Variants in CLCN1 observed in about 807,000 individuals in gnomAD.
CLCN1 encodes chloride channel protein 1.
In CLCN1, 100 loss-of-function variants were observed where a neutral mutation model predicts 114.5. That is an observed-to-expected ratio of 0.87 (90% confidence interval 0.74 to 1.03). The LOEUF (loss-of-function observed/expected upper bound fraction) is 1.03. CLCN1 is among the 50% of genes least tolerant of loss of function. The pLI is 0.00. For synonymous variants in CLCN1, 485 were observed against 487.1 expected (o/e 1.00, Z 0.06); for missense variants, 1,188 against 1,250.0 (o/e 0.95, Z 0.75).
In CLCN1 at chr7:143,320,713, C is replaced by T. The variant is rs983328653; in HGVS notation, c.351C>T (p.Asp117=). The T allele has an allele frequency of 1.2e-6, 2 of 1,613,422 alleles. No homozygotes were observed. Among genetic ancestry groups the T allele is most frequent in the Non-Finnish European group, 8.5e-7 (1 of 1,179,580 alleles). The change falls in exon 3 of 23, where the codon GAC becomes GAT. Residue 117 remains aspartate (D), a synonymous_variant. Coordinates refer to ENST00000343257, the MANE Select transcript of CLCN1 (RefSeq NM_000083.3). ...GQVVRRKLGE[D]GIFLVLLGLL... is the part of the protein sequence containing the mutation. ...TGGTGAGAAGAAAATTAGGGGAAGA[C>T]GGGATCTTTCTGGTGCTTCTGGGAC...
intron 5 of CLCN1, among the ~76,000 whole-genome samples, 160 bp from the exon 6 acceptor site, chr7:143,323,149 C>T (rs955272065): frequency 3.3e-5 from 5 of 152,170 alleles, no homozygotes; most frequent in African/African-American, 7.2e-5. Flanking sequence ...CCTCTTCTTC[C>T]TCTCTGGGAT....
In CLCN1 at chr7:143,351,614, G is replaced by A. The variant is rs1007992593; in HGVS notation, c.2616G>A (p.Gly872=). ...ALEELQKAIE[G]HTKSGVQLRP... ...TTCAGCTACAGAAGGCCATTGAGGG[G>A]CACACCAAGTCTGGGGTGCAGCTCC... The change falls in exon 23 of 23, where the codon GGG becomes GGA. Residue 872 remains glycine (G), a synonymous_variant. Transcript: ENST00000343257. 2.5e-6 allele frequency: 4 copies of A among 1,613,956 alleles called. No individual in the cohort carries two copies. In the African/African-American group the frequency reaches 5.3e-5, roughly 22 times the overall value.
chr7:143,332,772 G>C lies in CLCN1; in HGVS notation c.1300G>C (p.Val434Leu). ...TACTTTGTTTGACAACAATACATGG[G>C]TGAAACACGCGGGTGATCCTGAGAG... ...ISTLFDNNTW[V>L]KHAGDPESLG... is the part of the protein sequence containing the mutation. Residue 434 changes from valine (V) to leucine (L), a missense_variant, in exon 12 of 23, where the codon GTG (valine) becomes CTG (leucine). Val to Leu is a conservative substitution (Grantham distance 32). Coordinates refer to ENST00000343257, the MANE Select transcript of CLCN1 (RefSeq NM_000083.3). 1.2e-6 allele frequency: 2 copies of C among 1,614,202 alleles called. No individual in the cohort carries two copies. Among genetic ancestry groups the C allele is most frequent in the Non-Finnish European group, 1.7e-6 (2 of 1,180,036 alleles).
chr7:143,321,290 CG>C lies in CLCN1; in HGVS notation c.434-72del. On this transcript the variant is annotated intron_variant, in intron 3 of 22. Transcript: ENST00000343257. This position sits in a 1 kb window ranked among gnomAD's most constrained non-coding sequence, Gnocchi z 4.2. ...GAAGGAGCACGGCCTGAGAACATGC[CG>C]GGTACACGTCCTGGTGCCGTGGACA... 6.4e-7 allele frequency: 1 copy of C among 1,570,168 alleles called. No individual in the cohort carries two copies. Among genetic ancestry groups the C allele is most frequent in the Non-Finnish European group, 8.7e-7 (1 of 1,148,398 alleles).
chr7:143,336,635 G>GAA (rs201150297), intron 12 of CLCN1, among the ~76,000 whole-genome samples: 2 of 107,516 alleles, frequency 1.9e-5, no homozygotes, highest in Admixed American at 2.1e-4. Context: ...AGAAGAAGAA[G>GAA]AAAAAAAAAG....
chr7:143,320,673 A>G lies in CLCN1; in HGVS notation c.311A>G (p.His104Arg), dbSNP rs1563073737. ...DHYSKCQDCIHRLGQVVRRKL... is the reference protein window; with the variant it reads ...DHYSKCQDCIRRLGQVVRRKL... ...CCTCATCTCTTCCTAGATTGTATCCACCGCCTGGGACAGGTGGTGAGAAGA... is the reference window on the plus strand; with the variant it reads ...CCTCATCTCTTCCTAGATTGTATCCGCCGCCTGGGACAGGTGGTGAGAAGA... Residue 104 changes from histidine (H) to arginine (R), a missense_variant, in exon 3 of 23, where the codon CAC becomes CGC. Physicochemically the swap from His to Arg is conservative, Grantham distance 29 (BLOSUM62 0). Transcript: ENST00000343257. 6 of 1,612,248 alleles carry G rather than the reference A, an allele frequency of 3.7e-6. No individual in the cohort carries two copies. The Admixed American group carries it at 6.7e-5, about 18-fold the overall frequency.
At position 143,334,568 on chromosome 7, in the gene CLCN1, C is replaced by G. The variant is rs150807649; in HGVS notation, c.1401+1695C>G. On this transcript the variant is annotated intron_variant, in intron 12 of 22. Coordinates refer to ENST00000343257, the MANE Select transcript of CLCN1 (RefSeq NM_000083.3). ...CTTTAGCTATATCTTATGCTTGCAA[C>G]AGAAAAAAAATTTTTAAATATTTTA... Among the ~76,000 whole-genome samples the G allele has an allele frequency of 9.7e-3, 1,475 of 152,090 alleles. 18 individuals are homozygous for G. The highest frequency in any genetic ancestry group is 0.034 in the African/African-American group (1,402 of 41,492).
intron 1 of CLCN1, among the ~76,000 whole-genome samples, chr7:143,316,904 C>A (rs925984826): frequency 2.6e-5 from 4 of 152,188 alleles, no homozygotes; most frequent in Admixed American, 6.5e-5. Flanking sequence ...GATCTACCAA[C>A]GTCAAAATGA....
At position 143,323,324 on chromosome 7, in the gene CLCN1, A is replaced by T. The variant is rs765718767; in HGVS notation, c.712A>T (p.Ile238Phe). The T allele has an allele frequency of 6.2e-7, 1 of 1,612,466 alleles. No homozygotes were observed. The highest frequency in any genetic ancestry group is 8.5e-7 in the Non-Finnish European group (1 of 1,179,016). The change falls in exon 6 of 23, where the codon ATT (isoleucine) becomes TTT (phenylalanine). Residue 238 changes from isoleucine to phenylalanine, a missense_variant. Ile to Phe is a conservative substitution (Grantham distance 21). Transcript: ENST00000343257. ...PVGKEGPFVHIASICAAVLSK... is the reference protein window; with the variant it reads ...PVGKEGPFVHFASICAAVLSK... ...CCTCTCCCAGGGCCCCTTCGTCCAC[A>T]TTGCCAGCATCTGTGCTGCTGTCCT...
chr7:143,329,258 G>T (rs773085483), intron 7 of CLCN1, among the ~76,000 whole-genome samples: 1 of 152,174 alleles, frequency 6.6e-6, no homozygotes, highest in Non-Finnish European at 1.5e-5. Flanking sequence ...GAGCCACCAC[G>T]CCTGGCCTCC....
chr7:143,348,541 A>G (rs1381752505), intron 20 of CLCN1, among the ~76,000 whole-genome samples: 1 of 152,126 alleles, frequency 6.6e-6, no homozygotes, highest in African/African-American at 2.4e-5. Context: ...CATGTGACCC[A>G]CTGAGACATT....
At chr7:143,327,721 T>C (rs4590353) in intron 7 of CLCN1, among the ~76,000 whole-genome samples, 134,829 of 152,168 alleles carry the variant, frequency 0.89, 59,885 homozygotes, top group Admixed American at 0.94. Flanking sequence ...GTGGCGCAAT[T>C]TTGGCTCACT....
rs141793632 is a variant in CLCN1 at position 143,338,635 on chromosome 7, A to G, written c.1402-618A>G. ...ACCCCGTCTCTACTAAAAATACAAA[A>G]AATTAGCTGGGCATGGTGGCGTGCG... On this transcript the variant is annotated intron_variant, in intron 12 of 22. Coordinates refer to ENST00000343257, the MANE Select transcript of CLCN1 (RefSeq NM_000083.3). Among the ~76,000 whole-genome samples, 1,215 of 152,074 alleles carry G rather than the reference A, an allele frequency of 8.0e-3. 24 individuals carry two copies. The highest frequency in any genetic ancestry group is 0.028 in the African/African-American group (1,157 of 41,456).
In CLCN1 at chr7:143,351,713, G is replaced by C. The variant is rs1423286757; in HGVS notation, c.2715G>C (p.Glu905Asp). The change falls in exon 23 of 23, where the codon GAG becomes GAC. Residue 905 changes from glutamate (E) to aspartate (D), a missense_variant. By Grantham distance (45) the Glu-to-Asp change is conservative. Coordinates refer to ENST00000343257, the MANE Select transcript of CLCN1 (RefSeq NM_000083.3). ...KSTGAPPSSA[E>D]NWNLPEDRPG... ...CCGGGGCACCTCCATCTTCTGCAGAGAACTGGAACCTGCCTGAGGACAGGC... is the reference window on the plus strand; with the variant it reads ...CCGGGGCACCTCCATCTTCTGCAGACAACTGGAACCTGCCTGAGGACAGGC... 6.2e-7 allele frequency: 1 copy of C among 1,614,206 alleles called. No homozygotes were observed. The highest frequency in any genetic ancestry group is 1.7e-5 in the Admixed American group (1 of 60,026).
chr7:143,319,074 C>T (rs920129012), intron 1 of CLCN1, among the ~76,000 whole-genome samples: 16 of 152,100 alleles, frequency 1.1e-4, no homozygotes, highest in African/African-American at 3.4e-4. Context: ...AGGATGGAAG[C>T]GGAGGGCCAC....
In CLCN1 at chr7:143,350,632, G is replaced by A. The variant is rs1803369896; in HGVS notation, c.2573G>A (p.Arg858Lys). The A allele has an allele frequency of 6.2e-7, 1 of 1,614,162 alleles. No individual in the cohort carries two copies. The highest frequency in any genetic ancestry group is 1.1e-5 in the South Asian group (1 of 91,076). Residue 858 changes from arginine (R) to lysine (K), a missense_variant, in exon 22 of 23, where the codon AGG (arginine) becomes AAG (lysine). Coordinates refer to ENST00000343257, the MANE Select transcript of CLCN1 (RefSeq NM_000083.3). This position sits in a 1 kb window ranked among gnomAD's most constrained non-coding sequence, Gnocchi z 5.1. ...TACGTGACCAGCATGGGGAAGCTCA[G>A]GGGCGTCCTGGCCCTGGAGGAGGTA... ...LAYVTSMGKL[R>K]GVLALEELQK...
chr7:143,346,741 A>C (rs1803260768), intron 19 of CLCN1, 83 bp downstream of exon 19: 1 of 1,300,504 alleles, frequency 7.7e-7, no homozygotes, highest in African/African-American at 1.5e-5. Context: ...TAAATCAGGA[A>C]GGCAGAGACC....
At position 143,351,826 on chromosome 7, in the gene CLCN1, C is replaced by T; in HGVS notation, c.2828C>T (p.Ala943Val). ...SPSPEPPLSL[A>V]PGKVEGELEE... ...TCCCCAGAGCCCCCTCTCTCCCTGGCCCCAGGCAAGGTAGAGGGCGAGTTG... is the reference window on the plus strand; with the variant it reads ...TCCCCAGAGCCCCCTCTCTCCCTGGTCCCAGGCAAGGTAGAGGGCGAGTTG... Residue 943 changes from alanine to valine, a missense_variant, in exon 23 of 23, where the codon GCC becomes GTC. Coordinates refer to ENST00000343257, the MANE Select transcript of CLCN1 (RefSeq NM_000083.3). 1 of 1,614,000 alleles carries T rather than the reference C, an allele frequency of 6.2e-7. No homozygotes were observed. The highest frequency in any genetic ancestry group is 8.5e-7 in the Non-Finnish European group (1 of 1,179,882).
At chr7:143,330,742 GC>G in intron 7 of CLCN1, 29 bp from the exon 8 acceptor site, 2 of 1,613,592 alleles carry the variant, frequency 1.2e-6, no homozygotes, top group Non-Finnish European at 1.7e-6. Flanking sequence ...ACTGCTGGCT[GC>G]CCCCAACCAC....
Sources: gnomAD v4.1 joint callset for allele counts (sites outside exome capture counted in the v4.1 genomes callset) on GRCh38, gnomAD v4.1.1 for gene constraint, Gnocchi (gnomAD v3.1) non-coding constraint, MANE v1.5 for transcripts, NCBI Gene and HGNC (gene_info 2026-07-23, HGNC 2026-07-21) for gene names.